CR1: variants seen among roughly 807,000 people sequenced by gnomAD.
The protein encoded by CR1 is complement receptor type 1.
A neutral mutation model predicts 187.3 loss-of-function variants in CR1; 116 were observed. The ratio of observed to expected loss-of-function variants is 0.62; its 90% CI spans 0.53 to 0.72. The LOEUF (loss-of-function observed/expected upper bound fraction) is 0.72. Among genes scored for constraint, CR1 ranks in the 30% least tolerant of loss-of-function variants. The probability of loss-of-function intolerance (pLI) is 0.00; values close to 1 mark genes in which losing one functional copy is unlikely to be tolerated. For synonymous variants in CR1, 576 were observed against 747.1 expected, an observed-to-expected ratio of 0.77 and a Z score of 3.73; for missense variants, 1,731 against 2,110.7, an observed-to-expected ratio of 0.82 and a Z score of 3.52.
At chr1:207,614,381 G>A (rs747684755) in intron 39 of CR1, 23 bp from the exon 40 acceptor site, 6 of 1,592,720 alleles carry the variant, frequency 3.8e-6, no homozygotes, top group Non-Finnish European at 4.3e-6. Context: ...TCACACATTT[G>A]CTACCACTTT....
At chr1:207,613,464 T>A (rs1417328991) in intron 39 of CR1, among the ~76,000 whole-genome samples, 3 of 152,078 alleles carry the variant, frequency 2.0e-5, no homozygotes, top group Non-Finnish European at 4.4e-5. Context: ...GCACACCAAA[T>A]GGGAAGAGAG....
chr1:207,496,703 G>T (rs944961819), intron 1 of CR1, among the ~76,000 whole-genome samples: 3 of 152,236 alleles, frequency 2.0e-5, no homozygotes, highest in Non-Finnish European at 4.4e-5. Context: ...CACAGCCTCG[G>T]CTGGCTATAG....
chr1:207,628,754 T>C (rs1391822001), intron 45 of CR1, among the ~76,000 whole-genome samples: 2 of 152,246 alleles, frequency 1.3e-5, no homozygotes, highest in African/African-American at 4.8e-5. Context: ...CCTTTTTTCT[T>C]TCAATATTCT....
chr1:207,499,556 G>T (rs1018437910), intron 1 of CR1, among the ~76,000 whole-genome samples: 6 of 152,162 alleles, frequency 3.9e-5, no homozygotes, highest in Non-Finnish European at 5.9e-5. Context: ...GACATATATA[G>T]ATGACTTCAT....
chr1:207,599,786 C>T (rs998797753), intron 35 of CR1, among the ~76,000 whole-genome samples: 3 of 152,172 alleles, frequency 2.0e-5, no homozygotes, highest in African/African-American at 4.8e-5. Context: ...ATATCCTATA[C>T]ACATATGTGT....
At chr1:207,581,715 T>C (rs1228244001) in intron 31 of CR1, among the ~76,000 whole-genome samples, 1 of 152,232 alleles carries the variant, frequency 6.6e-6, no homozygotes. Flanking sequence ...TTGTCCTCAC[T>C]GAAAGCTACA....
intron 31 of CR1, among the ~76,000 whole-genome samples, chr1:207,581,302 G>A: frequency 6.7e-6 from 1 of 149,254 alleles, no homozygotes; most frequent in African/African-American, 2.5e-5. Context: ...GTATACATAT[G>A]GACACGTATA....
At chr1:207,514,059 A>G (rs1235323203) in intron 4 of CR1, among the ~76,000 whole-genome samples, 11 of 152,138 alleles carry the variant, frequency 7.2e-5, no homozygotes, top group African/African-American at 2.7e-4. Flanking sequence ...AGTTTATCAA[A>G]CACTTTAGTT....
chr1:207,498,882 A>AAAAAAAAAAG (rs1659175346), intron 1 of CR1, among the ~76,000 whole-genome samples: 1 of 149,058 alleles, frequency 6.7e-6, no homozygotes, highest in Non-Finnish European at 1.5e-5. Flanking sequence ...CAAATCAAAA[A>AAAAAAAAAAG]AAAAAAAAAA....
intron 29 of CR1, among the ~76,000 whole-genome samples, chr1:207,579,541 A>G (rs1055508922): frequency 6.6e-6 from 1 of 152,326 alleles, no homozygotes; most frequent in South Asian, 2.1e-4. Context: ...TCATAGTCCC[A>G]TCAGCACCAT....
At position 207,514,994 on chromosome 1, in the gene CR1, T is replaced by TACACACACAC. The variant is rs369482432; in HGVS notation, c.487+3364_487+3373dup. ...CTGAAGTATAACATATATATATATATACACACACACACACACACACACACA... is the reference window on the plus strand; with the variant it reads ...CTGAAGTATAACATATATATATATATACACACACACACACACACACACACACACACACACA... On this transcript the variant is annotated intron_variant, in intron 4 of 46. Transcript: ENST00000367049. Among the ~76,000 whole-genome samples, 6 of 119,568 alleles carry TACACACACAC rather than the reference T, an allele frequency of 5.0e-5. 1 individual carries two copies. The highest frequency in any genetic ancestry group is 6.1e-4 in the South Asian group (2 of 3,272). 78.4% of individuals were successfully genotyped at this position (119,568 alleles called of 152,430 possible). A position where few individuals can be genotyped will look rare whatever the true frequency, so the allele number is the denominator to read the frequency against.
At chr1:207,570,511 CATT>C (rs1282842334) in intron 27 of CR1, 2 of 13,666 alleles carry the variant, frequency 1.5e-4, no homozygotes, top group African/African-American at 2.1e-3. Context: ...CAGATGTTTT[CATT>C]ATTATCATGT....
At chr1:207,605,439 T>C (rs1189698243) in intron 35 of CR1, among the ~76,000 whole-genome samples, 2 of 151,954 alleles carry the variant, frequency 1.3e-5, no homozygotes, top group Non-Finnish European at 2.9e-5. Context: ...GAAACATATA[T>C]CAAAACACCA....
intron 46 of CR1, among the ~76,000 whole-genome samples, chr1:207,633,089 G>C (rs1032480637): frequency 6.6e-6 from 1 of 152,098 alleles, no homozygotes; most frequent in Non-Finnish European, 1.5e-5. Context: ...CCTCATTCCT[G>C]TCAGATTACC....
At chr1:207,515,518 G>A (rs1659784760) in intron 4 of CR1, among the ~76,000 whole-genome samples, 1 of 151,728 alleles carries the variant, frequency 6.6e-6, no homozygotes, top group Admixed American at 6.6e-5. Context: ...TAGTTTTGTT[G>A]CTTCCTAAAT....
chr1:207,565,973 C>T, intron 24 of CR1, 50 bp downstream of exon 24: 1 of 1,605,202 alleles, frequency 6.2e-7, no homozygotes, highest in Non-Finnish European at 8.5e-7. Flanking sequence ...TTCATCTGTT[C>T]ACTATTTGTC....
chr1:207,598,913 G>C (rs1661527388), intron 35 of CR1: 1 of 152,244 alleles, frequency 6.6e-6, no homozygotes, highest in East Asian at 1.9e-4. Context: ...TCTTGGAGTT[G>C]GCCAGCATTA....
intron 35 of CR1, among the ~76,000 whole-genome samples, chr1:207,595,141 G>GA (rs76679590): frequency 0.042 from 3,901 of 92,628 alleles, 115 homozygotes; most frequent in African/African-American, 0.1. Flanking sequence ...CCAACCCCCG[G>GA]AAAAAAAAAA....
At chr1:207,635,040 C>G (rs6661764) in intron 46 of CR1, among the ~76,000 whole-genome samples, 40,606 of 152,024 alleles carry the variant, frequency 0.27, 5,865 homozygotes, top group Admixed American at 0.41. Context: ...GCCATACTTT[C>G]TATGTCCTAC....
Sources: gnomAD v4.1 joint callset for allele counts (sites outside exome capture counted in the v4.1 genomes callset) on GRCh38, gnomAD v4.1.1 for gene constraint, MANE v1.5 for transcripts, NCBI Gene and HGNC (gene_info 2026-07-23, HGNC 2026-07-21) for gene names.